Variants in RBM19 observed in about 807,000 individuals in gnomAD.
The protein encoded by RBM19 is RNA binding motif protein 19, also known as probable RNA-binding protein 19.
A neutral mutation model predicts 116.8 loss-of-function variants in RBM19; 94 were observed. The observed-to-expected ratio is 0.80, with a 90% CI of 0.68 to 0.95. The LOEUF (loss-of-function observed/expected upper bound fraction) is 0.95, where lower values mean the gene tolerates loss of function less well. Among genes scored for constraint, RBM19 ranks in the 40% least tolerant of loss-of-function variants. RBM19 has a pLI of 0.00. For synonymous variants in RBM19, 475 were observed against 494.1 expected (o/e 0.96, Z 0.51); for missense variants, 1,161 against 1,220.7 (o/e 0.95, Z 0.73).
chr12:113,887,530 G>A (rs537453335), intron 21 of RBM19, among the ~76,000 whole-genome samples: 22 of 115,062 alleles, frequency 1.9e-4, no homozygotes, highest in African/African-American at 6.1e-4. Context: ...GCAGCTACTC[G>A]GGAGGCTGAG....
At chr12:113,851,597 G>A (rs781641979) in intron 22 of RBM19, among the ~76,000 whole-genome samples, 1 of 152,172 alleles carries the variant, frequency 6.6e-6, no homozygotes, top group Non-Finnish European at 1.5e-5. Flanking sequence ...TTTTTCAACT[G>A]CAAAATGGGG....
chr12:113,940,343 A>G (rs2891492), intron 14 of RBM19, among the ~76,000 whole-genome samples, 183 bp from the exon 15 acceptor site: 25,032 of 152,218 alleles, frequency 0.16, 2,808 homozygotes, highest in African/African-American at 0.32. Flanking sequence ...GCAAGGCTGC[A>G]AGGCAGCTCT....
At position 113,918,560 on chromosome 12, in the gene RBM19, C is replaced by G. The variant is rs117728820; in HGVS notation, c.2386-113G>C. ...CGCAGATGGGAGCCTGATTGTTCCC[C>G]GGGGAGTGGGGCTAGCTGGTCTAGA... On this transcript the variant is annotated intron_variant, in intron 19 of 23. Transcript: ENST00000261741. 2.8e-6 allele frequency: 3 copies of G among 1,088,260 alleles called. No individual in the cohort carries two copies. The African/African-American group carries it at 4.7e-5, about 17-fold the overall frequency. 67.4% of individuals were successfully genotyped at this position (1,088,260 alleles called of 1,614,324 possible).
chr12:113,872,158 G>A (rs1478472803), intron 21 of RBM19, among the ~76,000 whole-genome samples: 1 of 148,364 alleles, frequency 6.7e-6, no homozygotes, highest in East Asian at 2.3e-4. Flanking sequence ...TGAGATGTGG[G>A]GAGCGCCTCT....
At chr12:113,908,365 G>A (rs779517416) in intron 21 of RBM19, among the ~76,000 whole-genome samples, 13 of 151,898 alleles carry the variant, frequency 8.6e-5, no homozygotes, top group African/African-American at 2.9e-4. Flanking sequence ...AGCTGTCCTC[G>A]GCCCTCCTTC....
At chr12:113,959,710 C>T (rs560878509) in intron 4 of RBM19, among the ~76,000 whole-genome samples, 155 bp downstream of exon 4, 6 of 152,054 alleles carry the variant, frequency 3.9e-5, no homozygotes, top group Non-Finnish European at 8.8e-5. Flanking sequence ...CCAGTGTCCA[C>T]CCTCTCCAGC....
At chr12:113,948,330 A>G (rs1315933955) in intron 10 of RBM19, among the ~76,000 whole-genome samples, 2 of 152,196 alleles carry the variant, frequency 1.3e-5, no homozygotes, top group Non-Finnish European at 2.9e-5. Context: ...CCTCAAGCCC[A>G]TGGCCTGAGA....
At chr12:113,882,618 G>A (rs904931938) in intron 21 of RBM19, among the ~76,000 whole-genome samples, 1 of 152,250 alleles carries the variant, frequency 6.6e-6, no homozygotes, top group African/African-American at 2.4e-5. Flanking sequence ...AGAGCTGGAG[G>A]CACGGGGGGA....
chr12:113,934,152 C>G (rs1339599575), intron 16 of RBM19, among the ~76,000 whole-genome samples: 1 of 152,128 alleles, frequency 6.6e-6, no homozygotes, highest in East Asian at 1.9e-4. Flanking sequence ...AGGGTTTTGC[C>G]ATGCTGTCCA....
At chr12:113,925,564 C>G (rs16943405) in intron 17 of RBM19, among the ~76,000 whole-genome samples, 10,482 of 152,246 alleles carry the variant, frequency 0.069, 746 homozygotes, top group East Asian at 0.39. Flanking sequence ...GTAGACTGAT[C>G]GCTACGCATG....
rs1882691684 is a variant in RBM19 at position 113,915,077 on chromosome 12, A to G, written c.2450T>C (p.Val817Ala). ...RISERATKPAVTLARKKQVPR... is the reference protein window; with the variant it reads ...RISERATKPAATLARKKQVPR... ...AACTTGTTTCTTCCGAGCCAATGTC[A>G]CGGCTGGCCTGGAGTGGTGGGGGGA... Residue 817 changes from valine (V) to alanine (A), a missense_variant, in exon 21 of 24, where the codon GTG becomes GCG. Val to Ala is a moderately conservative substitution (Grantham distance 64). Coordinates refer to ENST00000261741, the MANE Select transcript of RBM19 (RefSeq NM_016196.4). 1 of 1,613,912 alleles carries G rather than the reference A, an allele frequency of 6.2e-7. No homozygotes were observed. The highest frequency in any genetic ancestry group is 2.2e-5 in the East Asian group (1 of 44,882).
At chr12:113,859,602 C>T (rs555644953) in intron 21 of RBM19, among the ~76,000 whole-genome samples, 9 of 152,090 alleles carry the variant, frequency 5.9e-5, no homozygotes, top group Non-Finnish European at 1.2e-4. Context: ...TGGACCATCC[C>T]CCCCGGTTCC....
At chr12:113,845,588 C>T (rs774927529) in intron 22 of RBM19, among the ~76,000 whole-genome samples, 3 of 152,040 alleles carry the variant, frequency 2.0e-5, no homozygotes, top group African/African-American at 7.2e-5. Context: ...CAAAGGAAAC[C>T]CCACACCCCT....
intron 23 of RBM19, among the ~76,000 whole-genome samples, chr12:113,828,625 G>T (rs767311176): frequency 7.2e-5 from 11 of 152,240 alleles, no homozygotes; most frequent in South Asian, 4.2e-4. Context: ...AGGCTGCTGG[G>T]GGACACCAGC....
At chr12:113,952,831 G>A (rs531155562) in intron 7 of RBM19, among the ~76,000 whole-genome samples, 132 of 152,236 alleles carry the variant, frequency 8.7e-4, no homozygotes, top group African/African-American at 3.0e-3. Flanking sequence ...TTAAAATAGC[G>A]ATGTCACGAT....
In RBM19 at chr12:113,911,162, G is replaced by A. The variant is rs189797569; in HGVS notation, c.2558+3807C>T. ...GGTGAGCTGACCACTGGCCATTTCCGTCCTTGTTTGAGTGGTGGGGTGAGA... is the reference window on the plus strand; with the variant it reads ...GGTGAGCTGACCACTGGCCATTTCCATCCTTGTTTGAGTGGTGGGGTGAGA... On this transcript the variant is annotated intron_variant, in intron 21 of 23. Coordinates refer to ENST00000261741, the MANE Select transcript of RBM19 (RefSeq NM_016196.4). 1.0e-3 allele frequency among the ~76,000 whole-genome samples: 159 copies of A among 152,222 alleles called. 1 individual carries two copies. Among genetic ancestry groups the A allele is most frequent in the East Asian group, 6.8e-3 (35 of 5,172 alleles).
intron 23 of RBM19, among the ~76,000 whole-genome samples, chr12:113,842,269 T>A (rs926897176): frequency 1.3e-5 from 2 of 151,580 alleles, no homozygotes; most frequent in African/African-American, 4.8e-5. Context: ...GAGCCTGCAC[T>A]CCTCGGCTGG....
intron 21 of RBM19, among the ~76,000 whole-genome samples, chr12:113,899,558 A>C (rs1195836462): frequency 6.6e-6 from 1 of 151,902 alleles, no homozygotes; most frequent in Non-Finnish European, 1.5e-5. Flanking sequence ...CCTTGTATCC[A>C]CCTCCCTCTA....
chr12:113,920,218 A>G (rs1210178175), intron 19 of RBM19, among the ~76,000 whole-genome samples: 3 of 151,970 alleles, frequency 2.0e-5, no homozygotes, highest in African/African-American at 7.3e-5. Flanking sequence ...CCCTGACCAC[A>G]CAGCCTAAGT....
Sources: allele counts gnomAD v4.1 joint callset (sites outside exome capture counted in the v4.1 genomes callset), GRCh38; gene constraint gnomAD v4.1.1; transcripts MANE v1.5; gene names NCBI Gene and HGNC (gene_info 2026-07-23, HGNC 2026-07-21).